Variants in GPATCH11 observed in about 807,000 individuals in gnomAD.
GPATCH11 encodes G patch domain-containing protein 11.
In GPATCH11, 32 loss-of-function variants were observed where a neutral mutation model predicts 44.8. The ratio of observed to expected loss-of-function variants is 0.71; its 90% CI spans 0.54 to 0.96. The LOEUF is 0.96. Ranked by LOEUF, GPATCH11 falls within the 40% of genes least tolerant of loss-of-function variation. The pLI, the probability that GPATCH11 is intolerant of heterozygous loss-of-function variation, is 0.00. For synonymous variants in GPATCH11, 84 were observed against 94.4 expected, an observed-to-expected ratio of 0.89 and a Z score of 0.64; for missense variants, 324 against 303.1, an observed-to-expected ratio of 1.07 and a Z score of -0.51.
chr2:37,091,984 A>G lies in GPATCH11; in HGVS notation c.397A>G (p.Lys133Glu). Residue 133 changes from lysine to glutamate, a missense_variant, in exon 5 of 9, where the codon AAA becomes GAA. Physicochemically the swap from Lys to Glu is moderately conservative, Grantham distance 56 (BLOSUM62 1). Transcript: ENST00000674370. Reference sequence around the variant, plus strand: ...AGAGGAAAAATTGGAAAGCTACAGAAAAAAGATTCACATGAAAAACCAAGC... The same window carrying G: ...AGAGGAAAAATTGGAAAGCTACAGAGAAAAGATTCACATGAAAAACCAAGC... ...KAEEKLESYR[K>E]KIHMKNQAEE... 1 of 1,613,446 alleles carries G rather than the reference A, an allele frequency of 6.2e-7. No homozygotes were observed. Among genetic ancestry groups the G allele is most frequent in the Non-Finnish European group, 8.5e-7 (1 of 1,179,532 alleles).
At chr2:37,095,208 A>T (rs1232711113) in intron 7 of GPATCH11, among the ~76,000 whole-genome samples, 1 of 152,238 alleles carries the variant, frequency 6.6e-6, no homozygotes, top group Admixed American at 6.5e-5. Context: ...CTATTTTCTC[A>T]ATGTTAACAA....
In GPATCH11 at chr2:37,089,649, C is replaced by A. The variant is rs780713628; in HGVS notation, c.69C>A (p.Ile23=). Residue 23 remains isoleucine (I), a synonymous_variant, in exon 3 of 9, where the codon ATC becomes ATA. Coordinates refer to ENST00000674370, the MANE Select transcript of GPATCH11 (RefSeq NM_174931.4). The stretch of plus-strand genomic sequence containing the variant: ...CTTTTCCCTTATTCAGAGAAGATAT[C>A]AGACCAGGATTGCCAATGCTAAGGC... ...SDSFINVQED[I]RPGLPMLRQI... 2.6e-6 allele frequency: 4 copies of A among 1,549,462 alleles called. No individual in the cohort carries two copies. The highest frequency in any genetic ancestry group is 8.7e-7 in the Non-Finnish European group (1 of 1,145,828).
At chr2:37,095,329 A>G in intron 7 of GPATCH11, 108 bp from the exon 8 acceptor site, 1 of 1,296,040 alleles carries the variant, frequency 7.7e-7, no homozygotes, top group South Asian at 1.6e-5. Context: ...ACTATTCCAG[A>G]GTATAGCAGA....
At chr2:37,090,751 CAAT>C (rs1254196512) in intron 4 of GPATCH11, 29 bp downstream of exon 4, 31 of 1,149,916 alleles carry the variant, frequency 2.7e-5, no homozygotes, top group Non-Finnish European at 3.8e-5. Context: ...GCATATTTGC[CAAT>C]AATAATAACT....
intron 2 of GPATCH11, among the ~76,000 whole-genome samples, chr2:37,088,707 A>T (rs1485806734): frequency 6.6e-6 from 1 of 151,974 alleles, no homozygotes; most frequent in Non-Finnish European, 1.5e-5. Flanking sequence ...TTATTTGGAG[A>T]GACAAGGTCT....
At position 37,088,406 on chromosome 2, in the gene GPATCH11, G is replaced by C. The variant is rs979476705; in HGVS notation, c.25G>C (p.Glu9Gln). 6 of 1,575,636 alleles carry C rather than the reference G, an allele frequency of 3.8e-6. No individual in the cohort carries two copies. Among genetic ancestry groups the C allele is most frequent in the Non-Finnish European group, 4.3e-6 (5 of 1,151,006 alleles). Residue 9 changes from glutamate to glutamine, a missense_variant, in exon 2 of 9, where the codon GAG (glutamate) becomes CAG (glutamine). Transcript: ENST00000674370. ...TATGAAGTTGAACATGGCAGAAGAA[G>C]AGGACTATATGTCTGATTCCTTCAT... MKLNMAEEEDYMSDSFINV... is the reference protein window; with the variant it reads MKLNMAEEQDYMSDSFINV...
intron 8 of GPATCH11, 109 bp downstream of exon 8, chr2:37,095,627 T>G: frequency 8.3e-7 from 1 of 1,210,332 alleles, no homozygotes; most frequent in Non-Finnish European, 1.1e-6. Context: ...CAAATGGCAG[T>G]ATGGGACCAA....
chr2:37,089,878 G>A lies in GPATCH11; in HGVS notation c.286+12G>A, dbSNP rs1157381826. ...ACTTGGCAAGAGTGGTAAGTCACAT[G>A]TGGAAATAAACAGGTATTCCTTACC... On this transcript the variant is annotated intron_variant, in intron 3 of 8. Coordinates refer to ENST00000674370, the MANE Select transcript of GPATCH11 (RefSeq NM_174931.4). 6.5e-7 allele frequency: 1 copy of A among 1,531,318 alleles called. No homozygotes were observed. The highest frequency in any genetic ancestry group is 8.9e-7 in the Non-Finnish European group (1 of 1,129,250). 94.9% of individuals were successfully genotyped at this position (1,531,318 alleles called of 1,614,324 possible). A position where few individuals can be genotyped will look rare whatever the true frequency, so the allele number is the denominator to read the frequency against.
chr2:37,090,231 CT>C (rs1226218113), intron 3 of GPATCH11, among the ~76,000 whole-genome samples: 2 of 152,254 alleles, frequency 1.3e-5, no homozygotes, highest in Admixed American at 1.3e-4. Context: ...CCTGCTTGCT[CT>C]GTACCTGTGG....
chr2:37,096,107 G>A lies in GPATCH11; in HGVS notation c.737-101G>A, dbSNP rs150094715. The A allele has an allele frequency of 1.5e-5, 11 of 716,510 alleles. No homozygotes were observed. In the African/African-American group the frequency reaches 1.7e-4, roughly 11 times the overall value. 44.4% of individuals were successfully genotyped at this position (716,510 alleles called of 1,614,324 possible). A position where few individuals can be genotyped will look rare whatever the true frequency, so the allele number is the denominator to read the frequency against. The stretch of plus-strand genomic sequence containing the variant: ...TATCTTTTCTGGTTTAGCAGAATAA[G>A]TAGAAAACATCAGATCAAAAAATGC... On this transcript the variant is annotated intron_variant, in intron 8 of 8. Coordinates refer to ENST00000674370, the MANE Select transcript of GPATCH11 (RefSeq NM_174931.4).
intron 6 of GPATCH11, among the ~76,000 whole-genome samples, chr2:37,093,820 C>G (rs984046328): frequency 2.0e-5 from 3 of 152,072 alleles, no homozygotes; most frequent in African/African-American, 7.2e-5. Context: ...CCACGCCCAG[C>G]TAATTTTTGT....
Position 37,089,834 on chromosome 2 carries a change from G to T in GPATCH11, c.254G>T (p.Gly85Val). 1 of 1,551,686 alleles carries T rather than the reference G, an allele frequency of 6.4e-7. No individual in the cohort carries two copies. The highest frequency in any genetic ancestry group is 2.4e-5 in the East Asian group (1 of 40,926). ...NKGFALLQKM[G>V]YKSGQALGKS... The stretch of plus-strand genomic sequence containing the variant: ...GGGTTTGCCTTGCTCCAAAAGATGG[G>T]CTATAAAAGTGGTCAGGCACTTGGC... The change falls in exon 3 of 9, where the codon GGC becomes GTC. Residue 85 changes from glycine to valine, a missense_variant. Transcript: ENST00000674370.
intron 4 of GPATCH11, among the ~76,000 whole-genome samples, chr2:37,091,330 A>G (rs1363036411): frequency 7.2e-6 from 1 of 139,816 alleles, no homozygotes; most frequent in Non-Finnish European, 1.6e-5. Context: ...ATCTCAAGGA[A>G]AAAAAAAAAA....
rs558096016 is a variant in GPATCH11 at position 37,097,998 on chromosome 2, T to G, written c.*1735T>G. Reference sequence around the variant, plus strand: ...TAATATTTATATGTTTGGATGCTATTGTTTAATATTTACTTTTTTGTTTTT... The same window carrying G: ...TAATATTTATATGTTTGGATGCTATGGTTTAATATTTACTTTTTTGTTTTT... On this transcript the variant is annotated 3_prime_UTR_variant, in exon 9 of 9. Coordinates refer to ENST00000674370, the MANE Select transcript of GPATCH11 (RefSeq NM_174931.4). The G allele has an allele frequency of 3.3e-5, 5 of 152,272 alleles. No homozygotes were observed. Among genetic ancestry groups the G allele is most frequent in the African/African-American group, 1.2e-4 (5 of 41,566 alleles). The allele number at this position is 152,272 out of a possible 1,614,324, so 9.4% of individuals were successfully genotyped here. A position where few individuals can be genotyped will look rare whatever the true frequency, so the allele number is the denominator to read the frequency against.
Position 37,088,450 on chromosome 2 carries a change from T to C in GPATCH11, c.59+10T>C, listed in dbSNP as rs1330112586. The C allele has an allele frequency of 2.1e-6, 3 of 1,412,716 alleles. No individual in the cohort carries two copies. Among genetic ancestry groups the C allele is most frequent in the Non-Finnish European group, 3.0e-6 (3 of 1,003,942 alleles). The allele number at this position is 1,412,716 out of a possible 1,614,324, so 87.5% of individuals were successfully genotyped here. ...CCTTCATTAATGTCCAGTAAGTAAA[T>C]GTGCACACCCAGTGCAATGATATGT... On this transcript the variant is annotated intron_variant, in intron 2 of 8. Coordinates refer to ENST00000674370, the MANE Select transcript of GPATCH11 (RefSeq NM_174931.4).
intron 6 of GPATCH11, 147 bp from the exon 7 acceptor site, chr2:37,093,935 G>A (rs1441660602): frequency 3.5e-5 from 20 of 571,614 alleles, no homozygotes; most frequent in Non-Finnish European, 5.1e-5. Flanking sequence ...GATTGCAGGC[G>A]TGAGCCACCG....
In GPATCH11 at chr2:37,098,354, A is replaced by G. The variant is rs1392803167; in HGVS notation, c.*2091A>G. The G allele has an allele frequency of 1.0e-4, 5 of 49,940 alleles. No homozygotes were observed. The highest frequency in any genetic ancestry group is 4.9e-4 in the South Asian group (1 of 2,034). 3.1% of individuals were successfully genotyped at this position (49,940 alleles called of 1,614,324 possible). On this transcript the variant is annotated 3_prime_UTR_variant, in exon 9 of 9. Coordinates refer to ENST00000674370, the MANE Select transcript of GPATCH11 (RefSeq NM_174931.4). ...AAAAATTATATATATATATGTATGTATATATATATATATATAGAGAGAGAG... is the reference window on the plus strand; with the variant it reads ...AAAAATTATATATATATATGTATGTGTATATATATATATATAGAGAGAGAG...
chr2:37,093,347 G>A lies in GPATCH11; in HGVS notation c.541-735G>A, dbSNP rs186316118. ...CCAGCTCTACAAAAAAAATAAATAAGTAAATAAATTCTGTCTTTGCTTTTA... is the reference window on the plus strand; with the variant it reads ...CCAGCTCTACAAAAAAAATAAATAAATAAATAAATTCTGTCTTTGCTTTTA... On this transcript the variant is annotated intron_variant, in intron 6 of 8. Coordinates refer to ENST00000674370, the MANE Select transcript of GPATCH11 (RefSeq NM_174931.4). Among the ~76,000 whole-genome samples the A allele has an allele frequency of 3.9e-5, 6 of 152,160 alleles. No homozygotes were observed. In the East Asian group the frequency reaches 7.7e-4, roughly 20 times the overall value.
At chr2:37,091,228 G>T (rs1003743280) in intron 4 of GPATCH11, among the ~76,000 whole-genome samples, 1 of 152,076 alleles carries the variant, frequency 6.6e-6, no homozygotes, top group Admixed American at 6.5e-5. Context: ...GGAGGCTGAG[G>T]CAGGAGAATC....
Sources: allele counts gnomAD v4.1 joint callset (sites outside exome capture counted in the v4.1 genomes callset), GRCh38; gene constraint gnomAD v4.1.1; transcripts MANE v1.5; gene names NCBI Gene and HGNC (gene_info 2026-07-23, HGNC 2026-07-21).